Variants in CDH20 observed in about 807,000 individuals in gnomAD.
CDH20 encodes cadherin-20.
In CDH20, 29 loss-of-function variants were observed where a neutral mutation model predicts 74.2. The observed-to-expected ratio is 0.39, with a 90% confidence interval of 0.29 to 0.53. The LOEUF (loss-of-function observed/expected upper bound fraction) is 0.53. Among genes scored for constraint, CDH20 ranks in the 20% least tolerant of loss-of-function variants. The pLI is 0.69. For missense variants in CDH20, 988 were observed against 1,048.3 expected, an observed-to-expected ratio of 0.94 and a Z score of 0.79; for synonymous variants, 469 against 405.4, an observed-to-expected ratio of 1.16 and a Z score of -1.88.
chr18:61,513,809 A>G (rs1480989090), intron 6 of CDH20, among the ~76,000 whole-genome samples: 1 of 152,090 alleles, frequency 6.6e-6, no homozygotes, highest in African/African-American at 2.4e-5. Context: ...TTTTTCTTTA[A>G]GAATGTTGAA....
At chr18:61,496,552 G>A (rs951588312) in intron 2 of CDH20, among the ~76,000 whole-genome samples, 4 of 152,154 alleles carry the variant, frequency 2.6e-5, no homozygotes, top group Non-Finnish European at 5.9e-5. Context: ...CCAGACTCCA[G>A]GGCACCAGCC....
chr18:61,545,207 A>C (rs925167015), intron 10 of CDH20, 63 bp downstream of exon 10: 6 of 1,010,578 alleles, frequency 5.9e-6, no homozygotes, highest in Non-Finnish European at 9.5e-6. Flanking sequence ...ACTTTGGGTT[A>C]CTGTCTTATG....
intron 1 of CDH20, among the ~76,000 whole-genome samples, chr18:61,417,701 C>T (rs1395711594): frequency 6.7e-6 from 1 of 148,880 alleles, no homozygotes; most frequent in African/African-American, 2.5e-5. Context: ...CTAATGGGTA[C>T]AAAATATAGT....
intron 9 of CDH20, among the ~76,000 whole-genome samples, chr18:61,543,050 G>A (rs1308780901): frequency 1.3e-5 from 2 of 152,168 alleles, no homozygotes; most frequent in Non-Finnish European, 2.9e-5. Flanking sequence ...GAGTGGGTAG[G>A]TGGCTCTCTG....
intron 6 of CDH20, among the ~76,000 whole-genome samples, chr18:61,509,879 C>T (rs906561087): frequency 2.0e-5 from 3 of 152,038 alleles, no homozygotes; most frequent in African/African-American, 7.2e-5. Context: ...ACAGGATTTC[C>T]TAAAAACGTG....
At chr18:61,507,653 C>A in intron 6 of CDH20, 93 bp downstream of exon 6, 1 of 801,212 alleles carries the variant, frequency 1.2e-6, no homozygotes, top group Non-Finnish European at 1.9e-6. Context: ...ATATGCATTG[C>A]TTCAAATCAT....
At chr18:61,492,877 T>C (rs1911009490) in intron 2 of CDH20, among the ~76,000 whole-genome samples, 1 of 152,242 alleles carries the variant, frequency 6.6e-6, no homozygotes, top group Admixed American at 6.5e-5. Flanking sequence ...ACACAGCATT[T>C]ATCTTATAGA....
chr18:61,383,542 C>CT (rs1163234090), intron 1 of CDH20, among the ~76,000 whole-genome samples: 3 of 151,970 alleles, frequency 2.0e-5, no homozygotes, highest in Non-Finnish European at 4.4e-5. Context: ...GATTGTGCCA[C>CT]TGCACTCCAG....
chr18:61,361,065 C>T (rs973859926), intron 1 of CDH20, among the ~76,000 whole-genome samples: 3 of 152,198 alleles, frequency 2.0e-5, no homozygotes, highest in African/African-American at 7.2e-5. Context: ...ATCATTCAGA[C>T]AGATTATTTT....
chr18:61,342,538 C>A (rs1254382763), intron 1 of CDH20, among the ~76,000 whole-genome samples: 5 of 152,310 alleles, frequency 3.3e-5, no homozygotes, highest in Admixed American at 2.6e-4. Context: ...CTGGCAAATT[C>A]TTTGGAACAG....
At position 61,544,946 on chromosome 18, in the gene CDH20, G is replaced by A. The variant is rs191494250; in HGVS notation, c.1531-81G>A. ...ATAAGGTAAAACATCCCACCATCGC[G>A]TTTCCGGGTTTGGGATTTAACTGGG... On this transcript the variant is annotated intron_variant, in intron 9 of 11. Transcript: ENST00000262717. The A allele has an allele frequency of 5.1e-5, 45 of 878,876 alleles. No individual in the cohort carries two copies. The East Asian group carries it at 8.0e-4, about 16-fold the overall frequency. The allele number at this position is 878,876 out of a possible 1,614,324, so 54.4% of individuals were successfully genotyped here.
chr18:61,461,277 G>T (rs1909757885), intron 1 of CDH20, among the ~76,000 whole-genome samples: 1 of 150,676 alleles, frequency 6.6e-6, no homozygotes, highest in Non-Finnish European at 1.5e-5. Flanking sequence ...ATTATTCATG[G>T]TGTATTAGTT....
intron 1 of CDH20, among the ~76,000 whole-genome samples, chr18:61,488,138 C>T (rs746464528): frequency 2.6e-5 from 4 of 151,840 alleles, no homozygotes; most frequent in East Asian, 1.9e-4. Context: ...CTTTAATCAA[C>T]GCAATCCGCA....
intron 1 of CDH20, among the ~76,000 whole-genome samples, chr18:61,395,431 A>G (rs367770871): frequency 5.6e-4 from 86 of 152,282 alleles, no homozygotes; most frequent in African/African-American, 1.9e-3. Flanking sequence ...CTGCACCTTA[A>G]TGACCGTCTT....
intron 1 of CDH20, among the ~76,000 whole-genome samples, chr18:61,385,289 G>A (rs746510623): frequency 1.1e-4 from 16 of 151,966 alleles, no homozygotes; most frequent in South Asian, 4.2e-4. Context: ...TCTTGTTAAC[G>A]CAATAAGACA....
intron 9 of CDH20, among the ~76,000 whole-genome samples, chr18:61,542,912 C>T (rs573201983): frequency 9.2e-5 from 14 of 152,244 alleles, no homozygotes; most frequent in South Asian, 2.1e-4. Flanking sequence ...ATCACCAGGA[C>T]GACTGCACCA....
At chr18:61,351,327 G>A (rs1039716028) in intron 1 of CDH20, among the ~76,000 whole-genome samples, 4 of 152,092 alleles carry the variant, frequency 2.6e-5, no homozygotes, top group Non-Finnish European at 4.4e-5. Context: ...GTAGTCTCAG[G>A]TGGGGGTTCA....
chr18:61,508,987 C>T lies in CDH20; in HGVS notation c.1017+1427C>T, dbSNP rs117613811. 9.4e-3 allele frequency among the ~76,000 whole-genome samples: 1,436 copies of T among 152,284 alleles called. 7 individuals carry two copies. Among genetic ancestry groups the T allele is most frequent in the Middle Eastern group, 0.027 (8 of 294 alleles). On this transcript the variant is annotated intron_variant, in intron 6 of 11. Coordinates refer to ENST00000262717, the MANE Select transcript of CDH20 (RefSeq NM_031891.4). Reference sequence around the variant, plus strand: ...TGTAACTCCAGAATGGAAAACCAAACATATTCTGTTTTCATTGTTATGTAG... The same window carrying T: ...TGTAACTCCAGAATGGAAAACCAAATATATTCTGTTTTCATTGTTATGTAG...
chr18:61,444,463 C>A (rs1909135610), intron 1 of CDH20, among the ~76,000 whole-genome samples: 1 of 152,136 alleles, frequency 6.6e-6, no homozygotes, highest in African/African-American at 2.4e-5. Context: ...TGCTTGAAGG[C>A]TAATACCCTT....
Sources: gnomAD v4.1 joint callset for allele counts (sites outside exome capture counted in the v4.1 genomes callset) on GRCh38, gnomAD v4.1.1 for gene constraint, MANE v1.5 for transcripts, NCBI Gene and HGNC (gene_info 2026-07-23, HGNC 2026-07-21) for gene names.